Variants in SLC12A8 observed in about 807,000 individuals in gnomAD.
SLC12A8 encodes cation-chloride cotransporter 9.
SLC12A8 carries 69 observed loss-of-function variants against 75.6 expected under a neutral mutation model. That is an observed-to-expected ratio of 0.91 (90% CI 0.75 to 1.11). The LOEUF is 1.11. SLC12A8 is among the 50% of genes most tolerant of loss of function. The pLI, the probability that SLC12A8 is intolerant of heterozygous loss-of-function variation, is 0.00. For missense variants in SLC12A8, 877 were observed against 896.7 expected (o/e 0.98, Z 0.28); for synonymous variants, 365 against 372.8 (o/e 0.98, Z 0.24).
intron 5 of SLC12A8, among the ~76,000 whole-genome samples, chr3:125,136,175 G>A (rs1011867194): frequency 6.6e-6 from 1 of 152,066 alleles, no homozygotes; most frequent in African/African-American, 2.4e-5. Context: ...CCTTCCACGG[G>A]TCCCTAATAG....
chr3:125,098,955 C>T (rs1276339910), intron 10 of SLC12A8, among the ~76,000 whole-genome samples: 2 of 152,182 alleles, frequency 1.3e-5, no homozygotes, highest in Non-Finnish European at 2.9e-5. Context: ...ATGGGGAGAT[C>T]CTGGAAATGA....
chr3:125,193,627 T>C (rs111542893), intron 2 of SLC12A8, among the ~76,000 whole-genome samples: 1 of 152,198 alleles, frequency 6.6e-6, no homozygotes, highest in African/African-American at 2.4e-5. Context: ...CGGGCAGACA[T>C]GTAACATGAG....
At chr3:125,205,645 G>A (rs1331619547) in intron 2 of SLC12A8, among the ~76,000 whole-genome samples, 2 of 152,146 alleles carry the variant, frequency 1.3e-5, no homozygotes, top group East Asian at 1.9e-4. Context: ...CCAGCTCCAG[G>A]AGCATAAGCC....
At chr3:125,141,732 C>T (rs1418641405) in intron 5 of SLC12A8, among the ~76,000 whole-genome samples, 2 of 152,118 alleles carry the variant, frequency 1.3e-5, no homozygotes, top group African/African-American at 2.4e-5. Context: ...CTTCCGGCGG[C>T]GCTCTCTTCT....
intron 10 of SLC12A8, among the ~76,000 whole-genome samples, chr3:125,099,494 G>A (rs2670170): frequency 0.49 from 75,045 of 151,978 alleles, 19,231 homozygotes; most frequent in South Asian, 0.71. Context: ...GTAGGTTCAT[G>A]TGTTGTATTT....
At chr3:125,199,210 G>A (rs1330840886) in intron 2 of SLC12A8, among the ~76,000 whole-genome samples, 1 of 152,152 alleles carries the variant, frequency 6.6e-6, no homozygotes, top group Non-Finnish European at 1.5e-5. Context: ...TCTGCAAATT[G>A]TTTTTATATG....
rs546838929 is a variant in SLC12A8 at position 125,112,110 on chromosome 3, A to G, written c.913-1775T>C. 2.0e-5 allele frequency among the ~76,000 whole-genome samples: 3 copies of G among 152,320 alleles called. No homozygotes were observed. The East Asian group carries it at 5.8e-4, about 29-fold the overall frequency. On this transcript the variant is annotated intron_variant, in intron 8 of 13. Transcript: ENST00000469902. ...GTCCATTGGGTTTCTATTACACACA[A>G]TGGGGGTACTCTCTCCCTTCAAGAC...
chr3:125,154,528 A>G (rs998889952), intron 5 of SLC12A8, among the ~76,000 whole-genome samples: 3 of 152,154 alleles, frequency 2.0e-5, no homozygotes, highest in African/African-American at 7.2e-5. Context: ...AGCACCTGGC[A>G]CAAACAGAAT....
At chr3:125,201,131 G>C (rs1935112305) in intron 2 of SLC12A8, among the ~76,000 whole-genome samples, 1 of 152,112 alleles carries the variant, frequency 6.6e-6, no homozygotes, top group South Asian at 2.1e-4. Context: ...GGACACGGTG[G>C]CTCACATTTG....
intron 8 of SLC12A8, among the ~76,000 whole-genome samples, chr3:125,116,573 T>C (rs1441404241): frequency 1.3e-5 from 2 of 152,174 alleles, no homozygotes; most frequent in African/African-American, 2.4e-5. Flanking sequence ...GGGCTGTTTT[T>C]ACCCTACTGC....
intron 2 of SLC12A8, among the ~76,000 whole-genome samples, chr3:125,210,522 T>C (rs766101968): frequency 1.3e-5 from 2 of 152,170 alleles, no homozygotes; most frequent in Non-Finnish European, 2.9e-5. Flanking sequence ...GTCTTATTTG[T>C]CTCTCCTTTG....
At chr3:125,121,932 C>T (rs114034863) in intron 6 of SLC12A8, among the ~76,000 whole-genome samples, 6 of 152,250 alleles carry the variant, frequency 3.9e-5, no homozygotes, top group Non-Finnish European at 7.3e-5. Context: ...CTTTACCCAT[C>T]GTAGGTAGTC....
chr3:125,179,595 T>C (rs186716728), intron 4 of SLC12A8, among the ~76,000 whole-genome samples: 21 of 152,260 alleles, frequency 1.4e-4, no homozygotes, highest in Middle Eastern at 6.8e-3. Flanking sequence ...ATCCCCCAAA[T>C]TTACACTTAG....
intron 5 of SLC12A8, among the ~76,000 whole-genome samples, chr3:125,169,676 G>A (rs1934367172): frequency 6.6e-6 from 1 of 152,180 alleles, no homozygotes; most frequent in Non-Finnish European, 1.5e-5. Context: ...CAGGAGATGA[G>A]AGAATTCTTC....
chr3:125,108,156 A>G, intron 9 of SLC12A8, 30 bp from the exon 10 acceptor site: 1 of 1,579,890 alleles, frequency 6.3e-7, no homozygotes. Context: ...ATGCAGGACC[A>G]TAAAATTTCA....
intron 12 of SLC12A8, among the ~76,000 whole-genome samples, chr3:125,089,140 T>C (rs1030434722): frequency 1.3e-5 from 2 of 152,156 alleles, no homozygotes; most frequent in Non-Finnish European, 2.9e-5. Flanking sequence ...ATCAGGAAAA[T>C]AGCATTATTT....
intron 6 of SLC12A8, among the ~76,000 whole-genome samples, chr3:125,130,037 C>T (rs1933314084): frequency 6.6e-6 from 1 of 152,076 alleles, no homozygotes; most frequent in Non-Finnish European, 1.5e-5. Context: ...TCAGTTGGGC[C>T]AATGAGAGTG....
chr3:125,160,502 A>G (rs1437569143), intron 5 of SLC12A8, among the ~76,000 whole-genome samples: 1 of 152,200 alleles, frequency 6.6e-6, no homozygotes, highest in Non-Finnish European at 1.5e-5. Flanking sequence ...CTTTCCATCC[A>G]AAGGTCCACA....
At chr3:125,155,625 G>GCGGGCTC (rs538840861) in intron 5 of SLC12A8, among the ~76,000 whole-genome samples, 1 of 119,586 alleles carries the variant, frequency 8.4e-6, no homozygotes, top group Non-Finnish European at 1.8e-5. Flanking sequence ...CAAAAAAGTA[G>GCGGGCTC]CTGTAGTCCC....
Sources: gnomAD v4.1 joint callset for allele counts (sites outside exome capture counted in the v4.1 genomes callset) on GRCh38, gnomAD v4.1.1 for gene constraint, MANE v1.5 for transcripts, NCBI Gene and HGNC (gene_info 2026-07-23, HGNC 2026-07-21) for gene names.